RALGPS1: variants seen among roughly 807,000 people sequenced by gnomAD.
The protein encoded by RALGPS1 is ras-specific guanine nucleotide-releasing factor RalGPS1.
A neutral mutation model predicts 78.8 loss-of-function variants in RALGPS1; 19 were observed. That is an observed-to-expected ratio of 0.24 (90% CI 0.17 to 0.35). RALGPS1 has a LOEUF of 0.35. Among genes scored for constraint, RALGPS1 ranks in the 10% least tolerant of loss-of-function variants. The probability of loss-of-function intolerance (pLI) is 1.00; values close to 1 mark genes in which losing one functional copy is unlikely to be tolerated. For missense variants in RALGPS1, 454 were observed against 688.3 expected, an observed-to-expected ratio of 0.66 and a Z score of 3.81; for synonymous variants, 228 against 256.3, an observed-to-expected ratio of 0.89 and a Z score of 1.06.
At chr9:126,966,936 G>C (rs991126462) in intron 3 of RALGPS1, among the ~76,000 whole-genome samples, 1 of 152,104 alleles carries the variant, frequency 6.6e-6, no homozygotes, top group African/African-American at 2.4e-5. Flanking sequence ...TATTGATTCT[G>C]GGGTGACCTC....
At chr9:127,074,909 AC>A (rs2050544125) in intron 8 of RALGPS1, among the ~76,000 whole-genome samples, 1 of 152,140 alleles carries the variant, frequency 6.6e-6, no homozygotes, top group African/African-American at 2.4e-5. Context: ...GCTATTTATG[AC>A]TTGTGGGTGG....
intron 10 of RALGPS1, among the ~76,000 whole-genome samples, chr9:127,171,393 A>G (rs1307885478): frequency 6.8e-6 from 1 of 148,148 alleles, no homozygotes; most frequent in Non-Finnish European, 1.5e-5. Context: ...TGAAAAAAAA[A>G]TGCTGCTCTT....
intron 1 of RALGPS1, among the ~76,000 whole-genome samples, chr9:126,956,825 C>T (rs768583675): frequency 1.3e-5 from 2 of 152,104 alleles, no homozygotes; most frequent in Non-Finnish European, 2.9e-5. Flanking sequence ...ACACTGACAC[C>T]GATAGTAACT....
intron 8 of RALGPS1, among the ~76,000 whole-genome samples, chr9:127,083,652 A>G (rs1260400130): frequency 2.6e-5 from 4 of 152,172 alleles, no homozygotes; most frequent in Non-Finnish European, 4.4e-5. Flanking sequence ...GCTGGACTCA[A>G]TCAGGTGTAA....
chr9:127,129,677 T>G (rs1412721592), intron 8 of RALGPS1, among the ~76,000 whole-genome samples: 1 of 152,204 alleles, frequency 6.6e-6, no homozygotes, highest in Non-Finnish European at 1.5e-5. Context: ...GGCAGCGACC[T>G]TTCTGACTAG....
At chr9:127,192,339 G>A (rs1366818583) in intron 11 of RALGPS1, among the ~76,000 whole-genome samples, 1 of 152,242 alleles carries the variant, frequency 6.6e-6, no homozygotes, top group Non-Finnish European at 1.5e-5. Flanking sequence ...TCCAGGCCAG[G>A]CGACTGGGCA....
intron 5 of RALGPS1, among the ~76,000 whole-genome samples, chr9:127,045,756 C>CAT (rs1425824879): frequency 0.021 from 923 of 44,226 alleles, 2 homozygotes; most frequent in African/African-American, 0.045. Context: ...CACACACACA[C>CAT]ACACATACAC....
chr9:126,936,875 T>G (rs10987524), intron 1 of RALGPS1, among the ~76,000 whole-genome samples: 9,207 of 150,008 alleles, frequency 0.061, 907 homozygotes, highest in African/African-American at 0.21. Flanking sequence ...TGAGACATAG[T>G]CTCGCTCTGT....
chr9:127,205,791 T>TAAA lies in RALGPS1; in HGVS notation c.1248-6340_1248-6339insAAA, dbSNP rs2061901091. On this transcript the variant is annotated intron_variant, in intron 14 of 18. Transcript: ENST00000259351. The surrounding 1 kb of genome is among the most constrained non-coding windows in gnomAD (Gnocchi z 4.0). ...CCTCCCAGGTTTACATGTGATAGTT[T>TAAA]CGCCCAGCCACTGAGCCTCACTTTC... Among the ~76,000 whole-genome samples, 1 of 152,226 alleles carries TAAA rather than the reference T, an allele frequency of 6.6e-6. No homozygotes were observed. Among genetic ancestry groups the TAAA allele is most frequent in the Non-Finnish European group, 1.5e-5 (1 of 68,046 alleles).
chr9:127,124,194 G>A (rs1254601652), intron 8 of RALGPS1, among the ~76,000 whole-genome samples: 4 of 152,210 alleles, frequency 2.6e-5, no homozygotes, highest in Non-Finnish European at 5.9e-5. Flanking sequence ...TGTGACCAGA[G>A]GAATGTGGTG....
intron 8 of RALGPS1, among the ~76,000 whole-genome samples, chr9:127,128,991 G>A (rs2056822638): frequency 6.6e-6 from 1 of 152,138 alleles, no homozygotes; most frequent in Non-Finnish European, 1.5e-5. Context: ...ACTTGCCAGG[G>A]GACCGTGAGG....
intron 18 of RALGPS1, among the ~76,000 whole-genome samples, 179 bp downstream of exon 18, chr9:127,215,021 T>C (rs2062495156): frequency 6.6e-6 from 1 of 152,220 alleles, no homozygotes; most frequent in Admixed American, 6.5e-5. Flanking sequence ...AGCTTAGAAC[T>C]AAGCCCAGCT....
intron 4 of RALGPS1, among the ~76,000 whole-genome samples, chr9:127,015,507 T>C (rs2044731651): frequency 6.6e-6 from 1 of 152,194 alleles, no homozygotes; most frequent in Admixed American, 6.5e-5. Context: ...AAGGACTCTG[T>C]TCGCCTCTCA....
At chr9:127,198,652 A>T (rs1287232748) in intron 13 of RALGPS1, among the ~76,000 whole-genome samples, 2 of 152,120 alleles carry the variant, frequency 1.3e-5, no homozygotes, top group African/African-American at 2.4e-5. Context: ...ATTTGGCCTC[A>T]CCAGGTGAGG....
intron 4 of RALGPS1, among the ~76,000 whole-genome samples, chr9:127,022,461 G>A (rs1490107561): frequency 6.6e-6 from 1 of 151,780 alleles, no homozygotes; most frequent in African/African-American, 2.4e-5. Flanking sequence ...CACTCCATGT[G>A]AGGGTTTGGG....
rs544102143 is a variant in RALGPS1 at position 127,182,069 on chromosome 9, G to A, written c.910+7287G>A. ...TCATGTTTAAGGGGCCAGGCGTGGT[G>A]GTTCATGCCTGTAATCCTGGAACTT... On this transcript the variant is annotated intron_variant, in intron 11 of 18. Coordinates refer to ENST00000259351, the MANE Select transcript of RALGPS1 (RefSeq NM_014636.3). Among the ~76,000 whole-genome samples the A allele has an allele frequency of 4.0e-5, 6 of 151,876 alleles. No individual in the cohort carries two copies. The South Asian group carries it at 1.3e-3, about 32-fold the overall frequency.
chr9:127,025,275 T>C (rs1023457417), intron 4 of RALGPS1, among the ~76,000 whole-genome samples: 12 of 152,252 alleles, frequency 7.9e-5, no homozygotes, highest in African/African-American at 2.4e-4. Flanking sequence ...GGCTGTACCA[T>C]GATTTGTTCA....
At chr9:126,940,823 T>G (rs535866092) in intron 1 of RALGPS1, among the ~76,000 whole-genome samples, 1 of 152,324 alleles carries the variant, frequency 6.6e-6, no homozygotes, top group East Asian at 1.9e-4. Flanking sequence ...GACCCGAACC[T>G]GGGAACCGCT....
chr9:127,150,635 C>T (rs746308910), intron 8 of RALGPS1, among the ~76,000 whole-genome samples: 1 of 152,346 alleles, frequency 6.6e-6, no homozygotes, highest in Non-Finnish European at 1.5e-5. Context: ...GAGGCATCCT[C>T]GTCCCCATCT....
Sources: allele counts gnomAD v4.1 joint callset (sites outside exome capture counted in the v4.1 genomes callset), GRCh38; gene constraint gnomAD v4.1.1; non-coding constraint Gnocchi (gnomAD v3.1); transcripts MANE v1.5; gene names NCBI Gene and HGNC (gene_info 2026-07-23, HGNC 2026-07-21).